Variants in DACH1 observed in about 807,000 individuals in gnomAD.
DACH1 encodes dachshund homolog 1.
A neutral mutation model predicts 54.2 loss-of-function variants in DACH1; 12 were observed. The observed-to-expected ratio is 0.22, with a 90% CI of 0.14 to 0.36. The LOEUF is 0.36. Ranked by LOEUF, DACH1 falls within the 10% of genes least tolerant of loss-of-function variation. The pLI is 1.00. For synonymous variants in DACH1, 386 were observed against 366.2 expected, an observed-to-expected ratio of 1.05 and a Z score of -0.62; for missense variants, 805 against 929.8, an observed-to-expected ratio of 0.87 and a Z score of 1.75.
chr13:71,604,464 C>T (rs916051231), intron 3 of DACH1, among the ~76,000 whole-genome samples: 17 of 151,822 alleles, frequency 1.1e-4, no homozygotes, highest in Admixed American at 2.0e-4. Context: ...ATAACTCATC[C>T]AATACCATTA....
At chr13:71,772,630 C>T (rs1369802390) in intron 1 of DACH1, among the ~76,000 whole-genome samples, 1 of 151,686 alleles carries the variant, frequency 6.6e-6, no homozygotes. Context: ...GAGGCAATAT[C>T]CTGGTTTTAG....
chr13:71,719,487 A>G (rs530098665), intron 1 of DACH1, among the ~76,000 whole-genome samples: 2 of 152,316 alleles, frequency 1.3e-5, no homozygotes, highest in East Asian at 3.9e-4. Context: ...CAAAGAATAG[A>G]CATAGATTTT....
chr13:71,602,581 C>A (rs1211697068), intron 3 of DACH1, among the ~76,000 whole-genome samples: 1 of 151,970 alleles, frequency 6.6e-6, no homozygotes, highest in East Asian at 1.9e-4. Context: ...AACCCAGCAA[C>A]AAAAAGACAG....
intron 6 of DACH1, among the ~76,000 whole-genome samples, chr13:71,508,658 G>T (rs890391165): frequency 6.6e-6 from 1 of 151,836 alleles, no homozygotes; most frequent in East Asian, 2.0e-4. Flanking sequence ...GTAGAGACAA[G>T]GTCTCACTAT....
intron 1 of DACH1, among the ~76,000 whole-genome samples, chr13:71,741,732 C>G (rs1884396628): frequency 6.6e-6 from 1 of 151,830 alleles, no homozygotes; most frequent in African/African-American, 2.4e-5. Context: ...AATTTTTCTT[C>G]CCAAATCTTT....
At chr13:71,590,124 A>G (rs1309616211) in intron 3 of DACH1, among the ~76,000 whole-genome samples, 1 of 152,096 alleles carries the variant, frequency 6.6e-6, no homozygotes, top group Non-Finnish European at 1.5e-5. Context: ...CAGATTAAAA[A>G]CATAAAGCAT....
At chr13:71,678,085 A>C (rs916765319) in intron 2 of DACH1, among the ~76,000 whole-genome samples, 1 of 152,170 alleles carries the variant, frequency 6.6e-6, no homozygotes, top group African/African-American at 2.4e-5. Context: ...AAGTTAGGCA[A>C]CCTTGAAGAT....
In DACH1 at chr13:71,700,585, AGAGAGAG is replaced by A. The variant is rs1187460682; in HGVS notation, c.849-18682_849-18676del. Reference sequence around the variant, plus strand: ...CATCTCAAAAAAAAAAAAAAAAAAAAGAGAGAGAGAGAGAGAGAGAGCAAGCTTAGTT... The same window carrying A: ...CATCTCAAAAAAAAAAAAAAAAAAAAAGAGAGAGAGAGAGCAAGCTTAGTT... On this transcript the variant is annotated intron_variant, in intron 1 of 10. Coordinates refer to ENST00000613252, the MANE Select transcript of DACH1 (RefSeq NM_080759.6). Among the ~76,000 whole-genome samples, 207 of 35,732 alleles carry A rather than the reference AGAGAGAG, an allele frequency of 5.8e-3. 1 individual carries two copies. The highest frequency in any genetic ancestry group is 0.011 in the African/African-American group (188 of 16,756). The allele number at this position is 35,732 out of a possible 152,430, so 23.4% of individuals were successfully genotyped here.
intron 3 of DACH1, among the ~76,000 whole-genome samples, chr13:71,575,467 C>A (rs1566352858): frequency 6.6e-6 from 1 of 151,924 alleles, no homozygotes; most frequent in Non-Finnish European, 1.5e-5. Flanking sequence ...GAAGTCCTTA[C>A]TGCCACGATA....
intron 3 of DACH1, among the ~76,000 whole-genome samples, chr13:71,588,409 G>A (rs1873435679): frequency 6.6e-6 from 1 of 152,024 alleles, no homozygotes; most frequent in Admixed American, 6.6e-5. Context: ...ACTCCTCTGG[G>A]AGGTAAAAAG....
intron 6 of DACH1, among the ~76,000 whole-genome samples, chr13:71,545,611 T>G (rs1009228378): frequency 6.6e-5 from 10 of 151,320 alleles, no homozygotes; most frequent in African/African-American, 2.4e-4. Context: ...AAGGAAGGGA[T>G]GAACCTGTGA....
At chr13:71,705,201 A>C (rs2138761496) in intron 1 of DACH1, among the ~76,000 whole-genome samples, 1 of 152,332 alleles carries the variant, frequency 6.6e-6, no homozygotes, top group Admixed American at 6.5e-5. Context: ...AATATTGTCA[A>C]GGTAGACTGT....
Position 71,577,692 on chromosome 13 carries a change from T to C in DACH1, c.1127-4680A>G, listed in dbSNP as rs538467066. Among the ~76,000 whole-genome samples the C allele has an allele frequency of 5.3e-5, 8 of 152,300 alleles. No homozygotes were observed. In the East Asian group the frequency reaches 5.8e-4, roughly 11 times the overall value. The stretch of plus-strand genomic sequence containing the variant: ...AGAAAATGAATAACAAATATGGCTA[T>C]ATTATAAATCAAATTTTAGTAACTG... On this transcript the variant is annotated intron_variant, in intron 3 of 10. Coordinates refer to ENST00000613252, the MANE Select transcript of DACH1 (RefSeq NM_080759.6).
At chr13:71,735,141 C>T (rs1411098184) in intron 1 of DACH1, among the ~76,000 whole-genome samples, 5 of 150,498 alleles carry the variant, frequency 3.3e-5, no homozygotes, top group Admixed American at 2.6e-4. Context: ...ATGGGATACT[C>T]GTATATGGTT....
At chr13:71,795,971 G>T (rs753448418) in intron 1 of DACH1, among the ~76,000 whole-genome samples, 1 of 152,208 alleles carries the variant, frequency 6.6e-6, no homozygotes, top group South Asian at 2.1e-4. Flanking sequence ...CTAAGAGAGC[G>T]TTATGAGACA....
intron 10 of DACH1, among the ~76,000 whole-genome samples, chr13:71,470,729 C>T (rs1474463252): frequency 1.3e-5 from 2 of 152,134 alleles, no homozygotes; most frequent in Non-Finnish European, 2.9e-5. Flanking sequence ...TCCACAAGAT[C>T]TAACATAGGT....
intron 6 of DACH1, among the ~76,000 whole-genome samples, chr13:71,522,560 C>A (rs539525069): frequency 3.4e-4 from 51 of 152,040 alleles, no homozygotes; most frequent in Non-Finnish European, 6.5e-4. Context: ...GGGAGGATCA[C>A]TTCCAGTGCA....
intron 1 of DACH1, among the ~76,000 whole-genome samples, chr13:71,815,290 G>A (rs1156384715): frequency 1.3e-5 from 2 of 149,404 alleles, no homozygotes; most frequent in Non-Finnish European, 1.5e-5. Context: ...TTCTAGGTGT[G>A]GGTTTGAAAG....
intron 3 of DACH1, among the ~76,000 whole-genome samples, chr13:71,628,213 G>A (rs1876810495): frequency 6.6e-6 from 1 of 151,976 alleles, no homozygotes; most frequent in South Asian, 2.1e-4. Flanking sequence ...TTCAGGAATT[G>A]CTTTGATCTT....
Sources: gnomAD v4.1 joint callset for allele counts (sites outside exome capture counted in the v4.1 genomes callset) on GRCh38, gnomAD v4.1.1 for gene constraint, MANE v1.5 for transcripts, NCBI Gene and HGNC (gene_info 2026-07-23, HGNC 2026-07-21) for gene names.